Variants in ZZEF1 observed in about 807,000 individuals in gnomAD.
The protein encoded by ZZEF1 is zinc finger ZZ-type and EF-hand domain containing 1.
Under a neutral mutation model 342.8 loss-of-function variants are expected in ZZEF1, and 157 were observed. That is an observed-to-expected ratio of 0.46 (90% CI 0.40 to 0.52). ZZEF1 has a LOEUF of 0.52. ZZEF1 is among the 20% of genes least tolerant of loss of function. The probability of loss-of-function intolerance (pLI) is 0.00; values close to 1 mark genes in which losing one functional copy is unlikely to be tolerated. For synonymous variants in ZZEF1, 1,505 were observed against 1,429.1 expected (o/e 1.05, Z -1.20); for missense variants, 3,480 against 3,725.6 (o/e 0.93, Z 1.72).
intron 34 of ZZEF1, among the ~76,000 whole-genome samples, chr17:4,053,052 A>C (rs1309607033): frequency 6.6e-6 from 1 of 152,102 alleles, no homozygotes; most frequent in East Asian, 1.9e-4. Context: ...GTTCATTCTC[A>C]CTGTCATGAA....
intron 1 of ZZEF1, among the ~76,000 whole-genome samples, chr17:4,141,182 T>G (rs1229773257): frequency 2.0e-5 from 3 of 152,252 alleles, no homozygotes; most frequent in African/African-American, 7.2e-5. Flanking sequence ...GTGCTGGGAT[T>G]ACAGGCGTGA....
At chr17:4,064,065 G>GT (rs60698621) in intron 29 of ZZEF1, among the ~76,000 whole-genome samples, 1 of 126,204 alleles carries the variant, frequency 7.9e-6, no homozygotes, top group African/African-American at 3.1e-5. Flanking sequence ...GTAGATGGAG[G>GT]GGGGGGGGTC....
intron 25 of ZZEF1, among the ~76,000 whole-genome samples, chr17:4,071,889 G>A (rs963891380): frequency 6.6e-6 from 1 of 152,170 alleles, no homozygotes; most frequent in East Asian, 1.9e-4. Flanking sequence ...AGAAAGTGGA[G>A]AGGATGAAGT....
At chr17:4,134,955 A>G (rs1416420276) in intron 1 of ZZEF1, among the ~76,000 whole-genome samples, 5 of 152,218 alleles carry the variant, frequency 3.3e-5, no homozygotes, top group African/African-American at 1.2e-4. Context: ...TGTATGGCAG[A>G]TAGTGAGAAC....
chr17:4,058,127 G>C lies in ZZEF1; in HGVS notation c.5032C>G (p.Gln1678Glu). Residue 1678 changes from glutamine (Q) to glutamate (E), a missense_variant, in exon 32 of 55, where the codon CAG (glutamine) becomes GAG (glutamate). Around this residue, in one of 5 missense-constraint regions of ZZEF1, gnomAD observed 1,528 missense variants for 1,624.1 expected, o/e 0.94. Transcript: ENST00000381638. ...TCCAAAAGATGAAGCAGGGCTGTCT[G>C]AACACAGGATAAGGCAGGGAGCAAG... ...RSLLPALSCV[Q>E]TALLHLLDMG... 6.2e-7 allele frequency: 1 copy of C among 1,613,844 alleles called. No homozygotes were observed. The highest frequency in any genetic ancestry group is 1.1e-5 in the South Asian group (1 of 91,026).
At position 4,014,165 on chromosome 17, in the gene ZZEF1, T is replaced by A. The variant is rs779735068; in HGVS notation, c.8338A>T (p.Thr2780Ser). 1 of 1,613,938 alleles carries A rather than the reference T, an allele frequency of 6.2e-7. No individual in the cohort carries two copies. The highest frequency in any genetic ancestry group is 8.5e-7 in the Non-Finnish European group (1 of 1,179,992). The change falls in exon 51 of 55, where the codon ACC (threonine) becomes TCC (serine). Residue 2780 changes from threonine to serine, a missense_variant. By Grantham distance (58) the Thr-to-Ser change is moderately conservative. Around this residue, in one of 5 missense-constraint regions of ZZEF1, gnomAD observed 1,269 missense variants for 1,342.4 expected, o/e 0.95. Coordinates refer to ENST00000381638, the MANE Select transcript of ZZEF1 (RefSeq NM_015113.4). The surrounding 1 kb of genome is among the most constrained non-coding windows in gnomAD (Gnocchi z 4.4). ...LPGDTLYYRFTSDMSNTEWGY... is the reference protein window; with the variant it reads ...LPGDTLYYRFSSDMSNTEWGY... ...CACTCGGTGTTGCTCATGTCGGAGGTGAAGCGGTAATACAGAGTGTCTCCT... is the reference window on the plus strand; with the variant it reads ...CACTCGGTGTTGCTCATGTCGGAGGAGAAGCGGTAATACAGAGTGTCTCCT...
intron 1 of ZZEF1, among the ~76,000 whole-genome samples, chr17:4,126,222 T>C (rs2058570649): frequency 1.8e-5 from 1 of 55,262 alleles, no homozygotes; most frequent in Admixed American, 2.6e-4. Context: ...CAAGACTCCG[T>C]CTCAAAAAAA....
chr17:4,048,734 G>T (rs1001215283), intron 37 of ZZEF1, among the ~76,000 whole-genome samples: 5 of 151,918 alleles, frequency 3.3e-5, no homozygotes, highest in African/African-American at 1.2e-4. Flanking sequence ...TGTTTTTTTT[G>T]AGATGGAGTC....
intron 6 of ZZEF1, among the ~76,000 whole-genome samples, chr17:4,108,288 G>C (rs1210978350): frequency 6.6e-6 from 1 of 152,206 alleles, no homozygotes; most frequent in African/African-American, 2.4e-5. Flanking sequence ...TCACTTCTAT[G>C]ATATTCCTGC....
rs763340666 is a variant in ZZEF1 at position 4,064,473 on chromosome 17, G to A, written c.4606C>T (p.Leu1536Phe). ...GCCTCCTCCATGGATCGAAAGGAGA[G>A]CAGCCGGAGTCGCCCTCGGGTGAAG... ...PPFTRGRLRL[L>F]SFRSMEEARL... Residue 1536 changes from leucine to phenylalanine, a missense_variant, in exon 29 of 55, where the codon CTC (leucine) becomes TTC (phenylalanine). Physicochemically the swap from Leu to Phe is conservative, Grantham distance 22 (BLOSUM62 0). Around this residue, in one of 5 missense-constraint regions of ZZEF1, gnomAD observed 1,528 missense variants for 1,624.1 expected, o/e 0.94. Coordinates refer to ENST00000381638, the MANE Select transcript of ZZEF1 (RefSeq NM_015113.4). 91 of 1,614,060 alleles carry A rather than the reference G, an allele frequency of 5.6e-5. No individual in the cohort carries two copies. Among genetic ancestry groups the A allele is most frequent in the Non-Finnish European group, 7.3e-5 (86 of 1,180,040 alleles).
Position 4,035,865 on chromosome 17 carries a change from C to T in ZZEF1, c.6307-1573G>A, listed in dbSNP as rs144614958. ...CTGTAATCCCAGCACTTTGGGAGGC[C>T]AAGGCAGGGGGATTACCTGAGGTCA... On this transcript the variant is annotated intron_variant, in intron 39 of 54. Coordinates refer to ENST00000381638, the MANE Select transcript of ZZEF1 (RefSeq NM_015113.4). Among the ~76,000 whole-genome samples the T allele has an allele frequency of 4.8e-3, 735 of 152,130 alleles. 5 individuals are homozygous for T. The highest frequency in any genetic ancestry group is 0.017 in the African/African-American group (714 of 41,516).
In ZZEF1 at chr17:4,042,362, T is replaced by A. The variant is rs1017493374; in HGVS notation, c.6306+67A>T. 3.3e-6 allele frequency: 5 copies of A among 1,512,844 alleles called. No homozygotes were observed. The Admixed American group carries it at 1.0e-4, about 31-fold the overall frequency. The allele number at this position is 1,512,844 out of a possible 1,614,324, so 93.7% of individuals were successfully genotyped here. On this transcript the variant is annotated intron_variant, in intron 39 of 54. Coordinates refer to ENST00000381638, the MANE Select transcript of ZZEF1 (RefSeq NM_015113.4). ...ATGATTGTCATCATTTGTTTCAGTA[T>A]GTGGCTTTCCAAAACCTTCTTCTAT...
At position 4,014,605 on chromosome 17, in the gene ZZEF1, C is replaced by T. The variant is rs2056052751; in HGVS notation, c.8146-90G>A. The T allele has an allele frequency of 2.1e-6, 3 of 1,417,460 alleles. No individual in the cohort carries two copies. Among genetic ancestry groups the T allele is most frequent in the South Asian group, 2.5e-5 (2 of 80,066 alleles). The allele number at this position is 1,417,460 out of a possible 1,614,324, so 87.8% of individuals were successfully genotyped here. A position where few individuals can be genotyped will look rare whatever the true frequency, so the allele number is the denominator to read the frequency against. On this transcript the variant is annotated intron_variant, in intron 49 of 54. Transcript: ENST00000381638. The surrounding 1 kb of genome is among the most constrained non-coding windows in gnomAD (Gnocchi z 4.4). Reference sequence around the variant, plus strand: ...CCATGCCGAGTCCTGTGGCTGGACCCGGGTGTGTGAGAATGAGTGAACCAC... The same window carrying T: ...CCATGCCGAGTCCTGTGGCTGGACCTGGGTGTGTGAGAATGAGTGAACCAC...
Position 4,109,638 on chromosome 17 carries a change from G to C in ZZEF1, c.1277+15C>G, listed in dbSNP as rs147924390. On this transcript the variant is annotated intron_variant, in intron 6 of 54. Coordinates refer to ENST00000381638, the MANE Select transcript of ZZEF1 (RefSeq NM_015113.4). ...GGCATGTTGAGGGGGCTGGAACATA[G>C]AGAGAATGACTTACTGAGTATTGTG... The C allele has an allele frequency of 6.2e-7, 1 of 1,613,650 alleles. No individual in the cohort carries two copies. Among genetic ancestry groups the C allele is most frequent in the East Asian group, 2.2e-5 (1 of 44,880 alleles).
rs1314744168 is a variant in ZZEF1 at position 4,088,728 on chromosome 17, T to C, written c.2191A>G (p.Thr731Ala). The stretch of plus-strand genomic sequence containing the variant: ...AACTGAAGGGTCCTGAGGAGCAACG[T>C]GGCCCCACAGACACTCTCCTCTGTG... Reference protein sequence around the residue: ...KDTEESVCGATLLLRTLQFIQ... With the variant: ...KDTEESVCGAALLLRTLQFIQ... The change falls in exon 13 of 55, where the codon ACG becomes GCG. Residue 731 changes from threonine (T) to alanine (A), a missense_variant. This residue lies in a region of ZZEF1 where 1,528 missense variants were observed against 1,624.1 expected (regional missense o/e 0.94). Transcript: ENST00000381638. 2 of 1,614,096 alleles carry C rather than the reference T, an allele frequency of 1.2e-6. No homozygotes were observed. The highest frequency in any genetic ancestry group is 2.7e-5 in the African/African-American group (2 of 74,946).
chr17:4,007,907 G>A (rs1343237198), intron 54 of ZZEF1, among the ~76,000 whole-genome samples: 1 of 151,944 alleles, frequency 6.6e-6, no homozygotes, highest in East Asian at 1.9e-4. Flanking sequence ...CCGGCTGGGT[G>A]TCCACCCACG....
chr17:4,091,234 C>G (rs1297533178), intron 11 of ZZEF1, among the ~76,000 whole-genome samples: 1 of 152,150 alleles, frequency 6.6e-6, no homozygotes, highest in East Asian at 1.9e-4. Context: ...ATGTTTATGA[C>G]CAACCTGAGG....
intron 3 of ZZEF1, among the ~76,000 whole-genome samples, chr17:4,115,289 A>G (rs1352664510): frequency 6.6e-6 from 1 of 152,192 alleles, no homozygotes; most frequent in African/African-American, 2.4e-5. Context: ...GGCCTCCCAA[A>G]GTACTGGGAT....
intron 35 of ZZEF1, among the ~76,000 whole-genome samples, chr17:4,051,395 A>C (rs2057042594): frequency 6.6e-6 from 1 of 152,086 alleles, no homozygotes; most frequent in African/African-American, 2.4e-5. Context: ...GGAAGGAAAT[A>C]ATTTAAGGCC....
Sources: gnomAD v4.1 joint callset for allele counts (sites outside exome capture counted in the v4.1 genomes callset) on GRCh38, gnomAD v4.1.1 for gene constraint, gnomAD v4.1.1 regional missense constraint, Gnocchi (gnomAD v3.1) non-coding constraint, MANE v1.5 for transcripts, NCBI Gene and HGNC (gene_info 2026-07-23, HGNC 2026-07-21) for gene names.